The following CSMD1 variants were observed in gnomAD, a reference collection of about 807,000 sequenced individuals.
CSMD1 encodes the protein CUB and Sushi multiple domains 1.
Under a neutral mutation model 417.5 loss-of-function variants are expected in CSMD1, and 213 were observed. The ratio of observed to expected loss-of-function variants is 0.51; its 90% CI spans 0.46 to 0.57. The LOEUF (loss-of-function observed/expected upper bound fraction) is 0.57, where lower values mean the gene tolerates loss of function less well. Ranked by LOEUF, CSMD1 falls within the 20% of genes least tolerant of loss-of-function variation. CSMD1 has a pLI of 0.00. For synonymous variants in CSMD1, 2,862 were observed against 1,736.8 expected (o/e 1.65, Z -16.11); for missense variants, 6,923 against 4,529.7 (o/e 1.53, Z -15.17).
At chr8:3,432,508 C>CTT (rs769207768) in intron 12 of CSMD1, among the ~76,000 whole-genome samples, 1,834 of 105,288 alleles carry the variant, frequency 0.017, 69 homozygotes, top group African/African-American at 0.029. Flanking sequence ...TCAATATGGG[C>CTT]TTTTTTTTTT....
chr8:4,848,253 C>A (rs985194865), intron 1 of CSMD1, among the ~76,000 whole-genome samples: 15 of 152,094 alleles, frequency 9.9e-5, no homozygotes, highest in African/African-American at 3.4e-4. Context: ...TCCACTTTTT[C>A]CTAGTTTGAA....
intron 54 of CSMD1, among the ~76,000 whole-genome samples, chr8:2,995,279 T>C (rs1392669852): frequency 6.6e-6 from 1 of 152,190 alleles, no homozygotes; most frequent in South Asian, 2.1e-4. Flanking sequence ...CAGATGGGAA[T>C]AATCACCAGA....
intron 12 of CSMD1, among the ~76,000 whole-genome samples, chr8:3,462,413 A>T (rs993426953): frequency 2.0e-5 from 3 of 152,184 alleles, no homozygotes; most frequent in African/African-American, 7.2e-5. Context: ...CAGGCAACGG[A>T]GCATTACCAC....
At chr8:3,888,160 C>T (rs113782640) in intron 5 of CSMD1, among the ~76,000 whole-genome samples, 13 of 152,264 alleles carry the variant, frequency 8.5e-5, no homozygotes, top group South Asian at 2.1e-4. Context: ...ATGCAATGTT[C>T]GTCATCCCAT....
rs1289221710 is a variant in CSMD1 at position 3,283,399 on chromosome 8, C to A, written c.4153+745G>T. ...ACCCACACCTGTCTTGCATCCAAGT[C>A]TAGAAATTTACTGACTAATTGAAAC... On this transcript the variant is annotated intron_variant, in intron 26 of 69. Coordinates refer to ENST00000635120, the MANE Select transcript of CSMD1 (RefSeq NM_033225.6). Among the ~76,000 whole-genome samples, 3 of 152,020 alleles carry A rather than the reference C, an allele frequency of 2.0e-5. No homozygotes were observed. In the East Asian group the frequency reaches 5.8e-4, roughly 29 times the overall value.
intron 1 of CSMD1, among the ~76,000 whole-genome samples, chr8:4,976,179 G>A (rs1265319105): frequency 1.3e-5 from 2 of 152,184 alleles, no homozygotes; most frequent in African/African-American, 2.4e-5. Flanking sequence ...GACAAGGGCT[G>A]AAAAACCATC....
At position 4,181,225 on chromosome 8, in the gene CSMD1, G is replaced by C. The variant is rs920702802; in HGVS notation, c.416-149126C>G. Among the ~76,000 whole-genome samples the C allele has an allele frequency of 2.0e-5, 3 of 151,992 alleles. 1 individual carries two copies. Among genetic ancestry groups the C allele is most frequent in the Admixed American group, 1.3e-4 (2 of 15,248 alleles). ...ATATAGCACCGATGATTTAAATTTG[G>C]TACTTATTATCTATAGCCATACCAC... On this transcript the variant is annotated intron_variant, in intron 3 of 69. Coordinates refer to ENST00000635120, the MANE Select transcript of CSMD1 (RefSeq NM_033225.6).
intron 20 of CSMD1, among the ~76,000 whole-genome samples, chr8:3,361,878 T>G (rs896575763): frequency 6.6e-6 from 1 of 152,200 alleles, no homozygotes; most frequent in Non-Finnish European, 1.5e-5. Flanking sequence ...AGAAGGTGTG[T>G]GTTAGTTGTA....
chr8:4,667,886 G>T (rs774799993), intron 1 of CSMD1, among the ~76,000 whole-genome samples: 5 of 152,150 alleles, frequency 3.3e-5, no homozygotes, highest in Non-Finnish European at 7.3e-5. Context: ...ACTGCTAATG[G>T]AATTGAATAG....
rs1169896945 is a variant in CSMD1 at position 3,409,481 on chromosome 8, C to T, written c.1686G>A (p.Glu562=). Residue 562 remains glutamate, a synonymous_variant, in exon 13 of 70, where the codon GAG becomes GAA. Transcript: ENST00000635120. ...ECPAAFELVG[E]RVITCQQNNQ... ...TGTTCTGCTGACAGGTGATAACTCT[C>T]TCCCCCACCAGCTCAAAGGCCGCCG... 1.2e-6 allele frequency: 2 copies of T among 1,611,664 alleles called. No homozygotes were observed. Among genetic ancestry groups the T allele is most frequent in the East Asian group, 2.2e-5 (1 of 44,782 alleles).
chr8:4,251,586 C>G (rs1042875787), intron 3 of CSMD1, among the ~76,000 whole-genome samples: 1 of 152,144 alleles, frequency 6.6e-6, no homozygotes, highest in Non-Finnish European at 1.5e-5. Context: ...CTATCCCAAC[C>G]CAAAAGTAAA....
chr8:3,282,631 T>G (rs553877415), intron 26 of CSMD1, among the ~76,000 whole-genome samples: 2 of 152,132 alleles, frequency 1.3e-5, no homozygotes, highest in Non-Finnish European at 2.9e-5. Flanking sequence ...TACTTTCATA[T>G]TTTTTGTGAA....
At chr8:4,631,082 G>T (rs987608173) in intron 2 of CSMD1, among the ~76,000 whole-genome samples, 3 of 152,154 alleles carry the variant, frequency 2.0e-5, no homozygotes, top group African/African-American at 7.2e-5. Flanking sequence ...TAAAATGAAG[G>T]CCAGGTGCGG....
chr8:4,342,422 A>C (rs1187614534), intron 3 of CSMD1, among the ~76,000 whole-genome samples: 6 of 152,210 alleles, frequency 3.9e-5, no homozygotes, highest in African/African-American at 1.4e-4. Flanking sequence ...TCACTTTCTG[A>C]ACTGTTGAAA....
chr8:4,350,502 G>A (rs538114369), intron 3 of CSMD1, among the ~76,000 whole-genome samples: 11 of 152,218 alleles, frequency 7.2e-5, no homozygotes, highest in African/African-American at 1.7e-4. Flanking sequence ...TAAGATCACC[G>A]CAGCAGTGAG....
intron 1 of CSMD1, among the ~76,000 whole-genome samples, chr8:4,852,139 A>G (rs917373588): frequency 5.9e-5 from 9 of 152,292 alleles, no homozygotes; most frequent in African/African-American, 1.4e-4. Flanking sequence ...GGAACACCAT[A>G]TATGTTTGTT....
At chr8:4,200,744 C>G (rs1799598950) in intron 3 of CSMD1, among the ~76,000 whole-genome samples, 1 of 152,078 alleles carries the variant, frequency 6.6e-6, no homozygotes. Flanking sequence ...TATCTGTAGT[C>G]CCAACTACTC....
intron 1 of CSMD1, among the ~76,000 whole-genome samples, chr8:4,724,914 G>A (rs1017228243): frequency 1.3e-5 from 2 of 152,022 alleles, no homozygotes; most frequent in South Asian, 2.1e-4. Context: ...AATCATACAG[G>A]TTTTTTTCTT....
intron 40 of CSMD1, among the ~76,000 whole-genome samples, chr8:3,147,182 T>A (rs999355314): frequency 6.6e-6 from 1 of 152,212 alleles, no homozygotes; most frequent in Non-Finnish European, 1.5e-5. Context: ...GCCTAGAAAT[T>A]ACATTTAAGA....
Sources: gnomAD v4.1 joint callset for allele counts (sites outside exome capture counted in the v4.1 genomes callset) on GRCh38, gnomAD v4.1.1 for gene constraint, MANE v1.5 for transcripts, NCBI Gene and HGNC (gene_info 2026-07-23, HGNC 2026-07-21) for gene names.